The following EBF1 variants were observed in gnomAD, a reference collection of about 807,000 sequenced individuals.
The protein encoded by EBF1 is transcription factor COE1.
In EBF1, 10 loss-of-function variants were observed where a neutral mutation model predicts 68.4. That is an observed-to-expected ratio of 0.15 (90% CI 0.09 to 0.25). The LOEUF (loss-of-function observed/expected upper bound fraction) is 0.25, where lower values mean the gene tolerates loss of function less well. EBF1 is among the 10% of genes least tolerant of loss of function. The probability of loss-of-function intolerance (pLI) is 1.00; values close to 1 mark genes in which losing one functional copy is unlikely to be tolerated. For missense variants in EBF1, 509 were observed against 794.4 expected, an observed-to-expected ratio of 0.64 and a Z score of 4.32; for synonymous variants, 298 against 299.8, an observed-to-expected ratio of 0.99 and a Z score of 0.06.
At chr5:158,744,344 G>T (rs1164602883) in intron 10 of EBF1, among the ~76,000 whole-genome samples, 1 of 151,638 alleles carries the variant, frequency 6.6e-6, no homozygotes, top group African/African-American at 2.4e-5. Context: ...CGTCAAAAAG[G>T]TATAGAAAGA....
chr5:158,895,261 C>T (rs754355529), intron 6 of EBF1, among the ~76,000 whole-genome samples: 15 of 152,022 alleles, frequency 9.9e-5, no homozygotes, highest in Admixed American at 3.3e-4. Context: ...AGAATAAAAA[C>T]GCAGTAAAAA....
chr5:158,765,341 C>T (rs1772421920), intron 10 of EBF1, among the ~76,000 whole-genome samples: 1 of 152,088 alleles, frequency 6.6e-6, no homozygotes, highest in Non-Finnish European at 1.5e-5. Context: ...TCATCCTGGC[C>T]TCATTGACTA....
In EBF1 at chr5:158,875,252, G is replaced by A. The variant is rs150509133; in HGVS notation, c.555-35142C>T. Among the ~76,000 whole-genome samples the A allele has an allele frequency of 3.7e-3, 558 of 152,266 alleles. 5 individuals carry two copies. Among genetic ancestry groups the A allele is most frequent in the African/African-American group, 0.013 (536 of 41,552 alleles). The stretch of plus-strand genomic sequence containing the variant: ...ATGAAGGTATGAATTTGTCAATAGG[G>A]TAGAGGAGCTTGAAACCGAGGAAGA... On this transcript the variant is annotated intron_variant, in intron 6 of 15. Transcript: ENST00000313708.
At chr5:158,854,451 T>G (rs1298020642) in intron 6 of EBF1, among the ~76,000 whole-genome samples, 1 of 152,198 alleles carries the variant, frequency 6.6e-6, no homozygotes. Flanking sequence ...AAGGGAGAAG[T>G]TGGGAAAAGC....
intron 6 of EBF1, among the ~76,000 whole-genome samples, chr5:158,865,762 A>G (rs745877501): frequency 6.6e-6 from 1 of 152,238 alleles, no homozygotes; most frequent in African/African-American, 2.4e-5. Context: ...GAGAAAGATC[A>G]ATAAAGAACT....
chr5:158,744,265 C>T (rs575399786), intron 10 of EBF1, among the ~76,000 whole-genome samples: 5 of 151,894 alleles, frequency 3.3e-5, no homozygotes, highest in South Asian at 2.1e-4. Context: ...CCAGGGCAGA[C>T]ACTACGGGGA....
chr5:158,943,750 G>T (rs556611735), intron 6 of EBF1, among the ~76,000 whole-genome samples: 4 of 152,254 alleles, frequency 2.6e-5, no homozygotes, highest in African/African-American at 9.6e-5. Context: ...CAGAATAGTG[G>T]GGAGGGCAGG....
chr5:159,084,722 G>T lies in EBF1; in HGVS notation c.429C>A (p.Gly143=), dbSNP rs750368020. The change falls in exon 5 of 16, where the codon GGC becomes GGA. Residue 143 remains glycine (G), a synonymous_variant. Transcript: ENST00000313708. ...GGCACATTTCTGGGTTCTTGTCTTG[G>T]CCTTCATACACTATGGCCTAAAAGC... ...SMTKQAIVYE[G]QDKNPEMCRV... The T allele has an allele frequency of 1.9e-6, 3 of 1,598,626 alleles. No individual in the cohort carries two copies. The highest frequency in any genetic ancestry group is 3.4e-5 in the Admixed American group (2 of 59,118).
At chr5:158,707,462 T>A in intron 15 of EBF1, 1 of 223,566 alleles carries the variant, frequency 4.5e-6, no homozygotes, top group Non-Finnish European at 9.0e-6. Flanking sequence ...TATGATGATC[T>A]AACTTCAGGG....
intron 4 of EBF1, among the ~76,000 whole-genome samples, chr5:159,090,905 T>C (rs1781510309): frequency 6.6e-6 from 1 of 152,190 alleles, no homozygotes; most frequent in South Asian, 2.1e-4. Context: ...TATGAAGTTA[T>C]TTAATTCTCA....
chr5:158,804,901 G>T (rs1202613161), intron 8 of EBF1, among the ~76,000 whole-genome samples: 1 of 152,100 alleles, frequency 6.6e-6, no homozygotes, highest in Non-Finnish European at 1.5e-5. Flanking sequence ...GGGAAAAATT[G>T]TCATGGAGGG....
intron 6 of EBF1, among the ~76,000 whole-genome samples, chr5:158,867,402 T>C (rs1430500477): frequency 6.6e-6 from 1 of 152,198 alleles, no homozygotes; most frequent in Non-Finnish European, 1.5e-5. Context: ...TTTACCTCCG[T>C]ATTTTCATCT....
At chr5:158,978,551 A>C (rs1486626910) in intron 6 of EBF1, among the ~76,000 whole-genome samples, 1 of 152,122 alleles carries the variant, frequency 6.6e-6, no homozygotes, top group Middle Eastern at 3.2e-3. Context: ...TTACAGGAAA[A>C]ATTCCCTGGA....
rs543843767 is a variant in EBF1 at position 158,715,640 on chromosome 5, G to A, written c.1126-1458C>T. 1.4e-3 allele frequency among the ~76,000 whole-genome samples: 216 copies of A among 152,068 alleles called. 1 individual carries two copies. Among genetic ancestry groups the A allele is most frequent in the African/African-American group, 5.0e-3 (208 of 41,510 alleles). ...AGTAAAGAACATTATATAATCAAAGGGATTTGAACCAATACATCTGAAATC... is the reference window on the plus strand; with the variant it reads ...AGTAAAGAACATTATATAATCAAAGAGATTTGAACCAATACATCTGAAATC... On this transcript the variant is annotated intron_variant, in intron 11 of 15. Transcript: ENST00000313708.
At chr5:158,775,803 C>G (rs1363372958) in intron 10 of EBF1, among the ~76,000 whole-genome samples, 1 of 150,300 alleles carries the variant, frequency 6.7e-6, no homozygotes. Context: ...CACACACACA[C>G]ACACACACAC....
chr5:158,889,852 C>T (rs1800815048), intron 6 of EBF1, among the ~76,000 whole-genome samples: 1 of 152,054 alleles, frequency 6.6e-6, no homozygotes, highest in African/African-American at 2.4e-5. Context: ...GATATTCAAA[C>T]AATAAACAAT....
intron 6 of EBF1, among the ~76,000 whole-genome samples, chr5:158,938,729 A>G (rs1812615990): frequency 6.6e-6 from 1 of 152,168 alleles, no homozygotes; most frequent in Non-Finnish European, 1.5e-5. Context: ...TAATGCCATC[A>G]TGGCAGGGGA....
At chr5:158,783,414 G>A (rs1264905880) in intron 9 of EBF1, among the ~76,000 whole-genome samples, 5 of 152,194 alleles carry the variant, frequency 3.3e-5, no homozygotes, top group Non-Finnish European at 7.4e-5. Flanking sequence ...AGAGGTATGG[G>A]TAATTTTACT....
At chr5:158,923,064 C>T (rs1424275147) in intron 6 of EBF1, among the ~76,000 whole-genome samples, 1 of 152,166 alleles carries the variant, frequency 6.6e-6, no homozygotes, top group Non-Finnish European at 1.5e-5. Flanking sequence ...AAAGCCCCTC[C>T]GTGGAGCCCG....
Sources: allele counts gnomAD v4.1 joint callset (sites outside exome capture counted in the v4.1 genomes callset), GRCh38; gene constraint gnomAD v4.1.1; transcripts MANE v1.5; gene names NCBI Gene and HGNC (gene_info 2026-07-23, HGNC 2026-07-21).